DDX10: variants seen among roughly 807,000 people sequenced by gnomAD.
DDX10 encodes the protein probable ATP-dependent RNA helicase DDX10.
A neutral mutation model predicts 104.3 loss-of-function variants in DDX10; 74 were observed. That is an observed-to-expected ratio of 0.71 (90% confidence interval 0.59 to 0.86). DDX10 has a LOEUF of 0.86. Ranked by LOEUF, DDX10 falls within the 40% of genes least tolerant of loss-of-function variation. The pLI, the probability that DDX10 is intolerant of heterozygous loss-of-function variation, is 0.00. For missense variants in DDX10, 952 were observed against 1,040.0 expected (o/e 0.92, Z 1.16); for synonymous variants, 351 against 353.4 (o/e 0.99, Z 0.08).
intron 13 of DDX10, among the ~76,000 whole-genome samples, chr11:108,829,067 C>A (rs556835414): frequency 1.9e-4 from 29 of 151,008 alleles, no homozygotes; most frequent in African/African-American, 5.8e-4. Flanking sequence ...ATGCAAGTAC[C>A]TTTTTCATAT....
chr11:108,687,559 T>A (rs967284956), intron 6 of DDX10, among the ~76,000 whole-genome samples: 1 of 152,214 alleles, frequency 6.6e-6, no homozygotes, highest in African/African-American at 2.4e-5. Flanking sequence ...ATTTTTTTTA[T>A]CTACATATCC....
At chr11:108,745,061 TTCC>T (rs2094329765) in intron 13 of DDX10, among the ~76,000 whole-genome samples, 1 of 36,042 alleles carries the variant, frequency 2.8e-5, no homozygotes, top group African/African-American at 1.2e-4. Context: ...CCCTTCCCCC[TTCC>T]CCCTTCCCCC....
intron 16 of DDX10, among the ~76,000 whole-genome samples, chr11:108,899,345 A>G (rs1314536136): frequency 3.3e-5 from 5 of 152,146 alleles, no homozygotes; most frequent in Non-Finnish European, 7.3e-5. Flanking sequence ...GACAGATTTT[A>G]AAACCAATTA....
intron 16 of DDX10, among the ~76,000 whole-genome samples, chr11:108,913,544 G>A (rs191736542): frequency 1.3e-5 from 2 of 152,118 alleles, no homozygotes; most frequent in Non-Finnish European, 2.9e-5. Context: ...GGCAAATTGC[G>A]AGGGAGGTAT....
chr11:108,667,191 TG>T (rs1413226731), intron 1 of DDX10, among the ~76,000 whole-genome samples: 1 of 152,224 alleles, frequency 6.6e-6, no homozygotes. Context: ...ACTACTCAAT[TG>T]TTCCCTTGTA....
At chr11:108,698,875 G>A (rs752209823) in intron 9 of DDX10, among the ~76,000 whole-genome samples, 1 of 152,094 alleles carries the variant, frequency 6.6e-6, no homozygotes, top group East Asian at 1.9e-4. Flanking sequence ...TCTTTTATGT[G>A]CCAGGCGTGC....
At chr11:108,871,610 C>T (rs1863082740) in intron 16 of DDX10, among the ~76,000 whole-genome samples, 3 of 152,316 alleles carry the variant, frequency 2.0e-5, no homozygotes, top group African/African-American at 7.2e-5. Context: ...CCATCCTCCT[C>T]CTTACCAGTC....
Position 108,710,583 on chromosome 11 carries a change from T to C in DDX10, c.1322+3746T>C, listed in dbSNP as rs552749270. 8.5e-5 allele frequency among the ~76,000 whole-genome samples: 13 copies of C among 152,296 alleles called. No individual in the cohort carries two copies. The East Asian group carries it at 2.5e-3, about 29-fold the overall frequency. On this transcript the variant is annotated intron_variant, in intron 10 of 17. Transcript: ENST00000322536. Reference sequence around the variant, plus strand: ...TGCATGGAGCTGTCATCATTTATGATAACAATGCCTCCTTCTTTAGTACTT... The same window carrying C: ...TGCATGGAGCTGTCATCATTTATGACAACAATGCCTCCTTCTTTAGTACTT...
intron 16 of DDX10, among the ~76,000 whole-genome samples, chr11:108,893,389 A>C (rs923504864): frequency 6.6e-6 from 1 of 152,064 alleles, no homozygotes; most frequent in African/African-American, 2.4e-5. Flanking sequence ...TTTTTCTACT[A>C]ATCCTATAAT....
intron 8 of DDX10, among the ~76,000 whole-genome samples, chr11:108,693,004 G>T (rs551747975): frequency 6.6e-6 from 1 of 152,080 alleles, no homozygotes; most frequent in Non-Finnish European, 1.5e-5. Flanking sequence ...CCATCAACCC[G>T]TCATCTACAT....
intron 6 of DDX10, among the ~76,000 whole-genome samples, chr11:108,683,191 C>T (rs2094237980): frequency 1.3e-5 from 2 of 152,198 alleles, no homozygotes; most frequent in South Asian, 4.1e-4. Flanking sequence ...AACCTCGTAG[C>T]ATTGTGACCC....
At chr11:108,678,464 A>G (rs1398664290) in intron 5 of DDX10, 29 bp downstream of exon 5, 2 of 1,557,186 alleles carry the variant, frequency 1.3e-6, no homozygotes, top group Admixed American at 2.1e-5. Flanking sequence ...TAATTTAAAA[A>G]AAAAAAAAGC....
At chr11:108,847,569 A>C (rs573942157) in intron 15 of DDX10, among the ~76,000 whole-genome samples, 2 of 152,344 alleles carry the variant, frequency 1.3e-5, no homozygotes, top group South Asian at 4.1e-4. Flanking sequence ...AACATTAGAA[A>C]GTTAAGAAAG....
At chr11:108,705,303 G>T (rs918490903) in intron 9 of DDX10, among the ~76,000 whole-genome samples, 1 of 152,004 alleles carries the variant, frequency 6.6e-6, no homozygotes, top group Non-Finnish European at 1.5e-5. Flanking sequence ...AATGACTTCC[G>T]GCTGCATGGA....
chr11:108,899,313 G>A (rs954555279), intron 16 of DDX10, among the ~76,000 whole-genome samples: 2 of 151,480 alleles, frequency 1.3e-5, no homozygotes, highest in Non-Finnish European at 2.9e-5. Context: ...ATAATCCTGG[G>A]ATGAAATTTA....
intron 13 of DDX10, among the ~76,000 whole-genome samples, chr11:108,791,251 A>G (rs1861867174): frequency 6.6e-6 from 1 of 152,244 alleles, no homozygotes; most frequent in African/African-American, 2.4e-5. Context: ...GCTGACAGCC[A>G]GCATCCGTGT....
intron 16 of DDX10, among the ~76,000 whole-genome samples, chr11:108,864,685 C>T (rs1395727153): frequency 1.3e-5 from 2 of 152,012 alleles, no homozygotes; most frequent in African/African-American, 2.4e-5. Flanking sequence ...GTCTCGAACT[C>T]CTGGACTCAC....
intron 16 of DDX10, among the ~76,000 whole-genome samples, chr11:108,856,456 C>A (rs1258384666): frequency 2.6e-5 from 4 of 151,256 alleles, no homozygotes; most frequent in South Asian, 4.2e-4. Flanking sequence ...ACAAAAAAAA[C>A]CACCAAAAAA....
chr11:108,762,036 T>C (rs1307953473), intron 13 of DDX10, among the ~76,000 whole-genome samples: 1 of 152,204 alleles, frequency 6.6e-6, no homozygotes, highest in Admixed American at 6.5e-5. Flanking sequence ...CAAATTGCTA[T>C]TTAAGCTTCT....
Sources: allele counts gnomAD v4.1 joint callset (sites outside exome capture counted in the v4.1 genomes callset), GRCh38; gene constraint gnomAD v4.1.1; transcripts MANE v1.5; gene names NCBI Gene and HGNC (gene_info 2026-07-23, HGNC 2026-07-21).